ACER1: variants seen among roughly 807,000 people sequenced by gnomAD.
ACER1 encodes the protein CTB-180A7.3.
ACER1 carries 28 observed loss-of-function variants against 24.9 expected under a neutral mutation model. The observed-to-expected ratio is 1.13, with a 90% CI of 0.83 to 1.54. The LOEUF (loss-of-function observed/expected upper bound fraction) is 1.54. ACER1 is among the 40% of genes most tolerant of loss of function. The pLI is 0.00. For synonymous variants in ACER1, 132 were observed against 131.4 expected, an observed-to-expected ratio of 1.00 and a Z score of -0.03; for missense variants, 352 against 349.3, an observed-to-expected ratio of 1.01 and a Z score of -0.06.
chr19:6,331,132 A>G (rs1403810683), intron 1 of ACER1, among the ~76,000 whole-genome samples: 5 of 145,588 alleles, frequency 3.4e-5, no homozygotes, highest in African/African-American at 8.2e-5. Context: ...GTTTAGGGTC[A>G]TGCCTGGTAC....
At chr19:6,355,084 A>C in the ACER1 span, among the ~76,000 whole-genome samples, 2,649 of 152,152 alleles carry the variant, frequency 0.017, 74 homozygotes, top group African/African-American at 0.062. Context: ...CTCGGCCTCC[A>C]GAGGTGCCGG....
the ACER1 span, among the ~76,000 whole-genome samples, chr19:6,349,398 AGGG>A: frequency 7.1e-6 from 1 of 140,298 alleles, no homozygotes; most frequent in African/African-American, 2.6e-5. Flanking sequence ...GGAGGGAGGG[AGGG>A]AGAGAAGGAA....
intron 1 of ACER1, among the ~76,000 whole-genome samples, chr19:6,329,837 TTTTTATTTTTA>T (rs1465313644): frequency 1.3e-5 from 2 of 151,534 alleles, no homozygotes; most frequent in Non-Finnish European, 2.9e-5. Context: ...TACCAGCTAG[TTTTTATTTTTA>T]TTTTATTTTT....
intron 1 of ACER1, among the ~76,000 whole-genome samples, chr19:6,327,484 G>A (rs1028184283): frequency 6.6e-6 from 1 of 151,982 alleles, no homozygotes; most frequent in Non-Finnish European, 1.5e-5. Flanking sequence ...AGAATGGTGT[G>A]AACCCGGGAG....
At chr19:6,332,266 C>CTTTTTT (rs1199664621) in intron 1 of ACER1, among the ~76,000 whole-genome samples, 3 of 99,794 alleles carry the variant, frequency 3.0e-5, no homozygotes, top group Non-Finnish European at 1.9e-5. Flanking sequence ...CGCGCCCGGC[C>CTTTTTT]TTTTTTTTTT....
intron 1 of ACER1, among the ~76,000 whole-genome samples, chr19:6,316,381 G>A (rs2091603157): frequency 6.6e-6 from 1 of 152,144 alleles, no homozygotes; most frequent in Non-Finnish European, 1.5e-5. Flanking sequence ...GGAGGCTGCA[G>A]GAGCTGTGAT....
chr19:6,314,171 A>G (rs754654795), intron 1 of ACER1, among the ~76,000 whole-genome samples: 4 of 151,750 alleles, frequency 2.6e-5, no homozygotes, highest in Non-Finnish European at 5.9e-5. Flanking sequence ...ACAATAATGT[A>G]AAACAATACA....
At chr19:6,322,807 T>C (rs892843899) in intron 1 of ACER1, among the ~76,000 whole-genome samples, 1 of 152,126 alleles carries the variant, frequency 6.6e-6, no homozygotes, top group Admixed American at 6.6e-5. Flanking sequence ...TGAGATCTCA[T>C]GGTTTTAAAA....
At chr19:6,350,573 G>C in the ACER1 span, among the ~76,000 whole-genome samples, 38,387 of 124,944 alleles carry the variant, frequency 0.31, 6,952 homozygotes, top group African/African-American at 0.6. Context: ...TCCGTCTCAA[G>C]AAAAAAGAAA....
At chr19:6,356,423 A>G in the ACER1 span, among the ~76,000 whole-genome samples, 3 of 149,896 alleles carry the variant, frequency 2.0e-5, no homozygotes, top group African/African-American at 7.5e-5. Context: ...TTGTCCTATG[A>G]CCCTGCCAAA....
At chr19:6,340,313 AAGGAAGGAAGGAAGGAAGGAAGGAAG>A in the ACER1 span, among the ~76,000 whole-genome samples, 7 of 33,402 alleles carry the variant, frequency 2.1e-4, 1 homozygote, top group South Asian at 8.3e-3. Context: ...GGAAGGAAGG[AAGGAAGGAAGGAAGGAAGGAAGGAAG>A]GAAGGAAGGA....
chr19:6,306,943 T>G, intron 5 of ACER1, 61 bp from the exon 6 acceptor site: 1 of 1,555,744 alleles, frequency 6.4e-7, no homozygotes. Flanking sequence ...ACGCCGGCCC[T>G]CTTTTTACTT....
intron 3 of ACER1, 60 bp downstream of exon 3, chr19:6,312,089 A>C (rs1264455384): frequency 1.9e-6 from 3 of 1,582,630 alleles, no homozygotes; most frequent in Non-Finnish European, 2.6e-6. Flanking sequence ...AGGTGAGCTC[A>C]TGTAGAGTCA....
chr19:6,339,374 A>G, the ACER1 span, among the ~76,000 whole-genome samples: 1 of 152,032 alleles, frequency 6.6e-6, no homozygotes, highest in Non-Finnish European at 1.5e-5. Flanking sequence ...TAAAAGGACA[A>G]ATCCTGTGTG....
At chr19:6,333,613 G>T (rs1289110084), upstream of ACER1, 3 of 1,448,206 alleles carry the variant, frequency 2.1e-6, no homozygotes, top group African/African-American at 1.4e-5. Flanking sequence ...GCTTGGGAAG[G>T]CTGGGCCCTG....
intron 1 of ACER1, among the ~76,000 whole-genome samples, chr19:6,318,718 G>A (rs1305151625): frequency 5.3e-5 from 8 of 150,372 alleles, no homozygotes; most frequent in East Asian, 2.0e-4. Context: ...CCCGGGAGGC[G>A]GAGGTTGCAG....
upstream of ACER1, among the ~76,000 whole-genome samples, chr19:6,334,011 C>A (rs2091702694): frequency 6.6e-6 from 1 of 152,018 alleles, no homozygotes; most frequent in South Asian, 2.1e-4. Flanking sequence ...TCTGAAGTAG[C>A]CAGGACCACA....
At chr19:6,320,653 G>A (rs1463322856) in intron 1 of ACER1, among the ~76,000 whole-genome samples, 3 of 152,004 alleles carry the variant, frequency 2.0e-5, no homozygotes. Context: ...TAATTAAGTG[G>A]TCTCACAGCA....
intron 4 of ACER1, among the ~76,000 whole-genome samples, chr19:6,308,773 G>A (rs575584522): frequency 1.3e-5 from 2 of 152,248 alleles, no homozygotes; most frequent in Admixed American, 6.5e-5. Flanking sequence ...GGGTGAAATT[G>A]TATGAAATCT....
Sources: gnomAD v4.1 joint callset for allele counts (sites outside exome capture counted in the v4.1 genomes callset) on GRCh38, gnomAD v4.1.1 for gene constraint, MANE v1.5 for transcripts, NCBI Gene and HGNC (gene_info 2026-07-23, HGNC 2026-07-21) for gene names.